The following RPRD1B variants were observed in gnomAD, a reference collection of about 807,000 sequenced individuals.
The protein encoded by RPRD1B is regulation of nuclear pre-mRNA domain containing 1B.
A neutral mutation model predicts 41.5 loss-of-function variants in RPRD1B; 11 were observed. The ratio of observed to expected loss-of-function variants is 0.27; its 90% confidence interval spans 0.17 to 0.44. The LOEUF (loss-of-function observed/expected upper bound fraction) is 0.44. Among genes scored for constraint, RPRD1B ranks in the 20% least tolerant of loss-of-function variants. The probability of loss-of-function intolerance (pLI) is 1.00; values close to 1 mark genes in which losing one functional copy is unlikely to be tolerated. For missense variants in RPRD1B, 248 were observed against 389.9 expected, an observed-to-expected ratio of 0.64 and a Z score of 3.06; for synonymous variants, 158 against 155.6, an observed-to-expected ratio of 1.02 and a Z score of -0.12.
chr20:38,066,958 T>C (rs1600421876), intron 6 of RPRD1B, among the ~76,000 whole-genome samples: 1 of 152,196 alleles, frequency 6.6e-6, no homozygotes, highest in Non-Finnish European at 1.5e-5. Flanking sequence ...CCCAGCCGTT[T>C]GGAGGTTTAT....
chr20:38,070,712 C>A (rs905630028), intron 6 of RPRD1B: 121 of 983,784 alleles, frequency 1.2e-4, no homozygotes, highest in Non-Finnish European at 1.4e-4. Context: ...AGGTCAGGAA[C>A]CTGCAGTTTT....
chr20:38,042,921 T>C (rs1306427146), intron 2 of RPRD1B, among the ~76,000 whole-genome samples: 4 of 152,236 alleles, frequency 2.6e-5, no homozygotes, highest in Admixed American at 6.5e-5. Context: ...AGATTTGATT[T>C]GAATAGCAGT....
chr20:38,090,914 G>A lies in RPRD1B; in HGVS notation c.*1039G>A. 1.0e-6 allele frequency: 1 copy of A among 985,046 alleles called. No homozygotes were observed. The highest frequency in any genetic ancestry group is 1.2e-6 in the Non-Finnish European group (1 of 829,836). The allele number at this position is 985,046 out of a possible 1,614,324, so 61.0% of individuals were successfully genotyped here. The stretch of plus-strand genomic sequence containing the variant: ...GTCTGTCATGTCACGCCACTGCACA[G>A]GTCCTTGTCCCCACACGACGGGGAG... On this transcript the variant is annotated 3_prime_UTR_variant, in exon 7 of 7. Coordinates refer to ENST00000373433, the MANE Select transcript of RPRD1B (RefSeq NM_021215.4).
chr20:38,054,111 A>G (rs1391924968), intron 3 of RPRD1B, among the ~76,000 whole-genome samples: 1 of 152,194 alleles, frequency 6.6e-6, no homozygotes, highest in Non-Finnish European at 1.5e-5. Flanking sequence ...GGGAGGGAGT[A>G]TGTAAGGCAT....
intron 6 of RPRD1B, among the ~76,000 whole-genome samples, chr20:38,088,555 TGA>T (rs1450409579): frequency 1.3e-5 from 2 of 152,288 alleles, no homozygotes; most frequent in East Asian, 3.9e-4. Flanking sequence ...GCAGAGACAC[TGA>T]GAGGACAAAA....
At chr20:38,072,922 A>G (rs1470540256) in intron 6 of RPRD1B, among the ~76,000 whole-genome samples, 1 of 152,224 alleles carries the variant, frequency 6.6e-6, no homozygotes, top group East Asian at 1.9e-4. Flanking sequence ...CTGGATATCT[A>G]AGTAAAGTGA....
At chr20:38,056,975 AAAT>A (rs1385564645) in intron 3 of RPRD1B, among the ~76,000 whole-genome samples, 1 of 152,240 alleles carries the variant, frequency 6.6e-6, no homozygotes, top group Non-Finnish European at 1.5e-5. Flanking sequence ...GTTAAATTTA[AAAT>A]GGTAACTTAA....
At chr20:38,056,790 T>C (rs2074246613) in intron 3 of RPRD1B, among the ~76,000 whole-genome samples, 1 of 152,262 alleles carries the variant, frequency 6.6e-6, no homozygotes, top group Non-Finnish European at 1.5e-5. Context: ...TTCTTTACTT[T>C]CGAAACTAGA....
intron 1 of RPRD1B, among the ~76,000 whole-genome samples, 198 bp downstream of exon 1, chr20:38,034,296 T>G (rs1437565310): frequency 1.3e-5 from 2 of 152,168 alleles, no homozygotes; most frequent in African/African-American, 4.8e-5. Context: ...TGCCTGAGGG[T>G]CCACGGACTG....
chr20:38,050,159 A>C (rs1390485870), intron 3 of RPRD1B, among the ~76,000 whole-genome samples: 3 of 152,246 alleles, frequency 2.0e-5, no homozygotes, highest in Non-Finnish European at 4.4e-5. Context: ...GTGTGACAGT[A>C]TCCTTCACTG....
At chr20:38,063,615 C>T (rs1350477839) in intron 5 of RPRD1B, among the ~76,000 whole-genome samples, 1 of 152,070 alleles carries the variant, frequency 6.6e-6, no homozygotes, top group East Asian at 1.9e-4. Context: ...TACATGGCAG[C>T]AGGTTTGTGT....
At chr20:38,053,856 C>G (rs2074213543) in intron 3 of RPRD1B, among the ~76,000 whole-genome samples, 1 of 152,118 alleles carries the variant, frequency 6.6e-6, no homozygotes, top group South Asian at 2.1e-4. Context: ...AATCTAGACA[C>G]AAAGTATACG....
intron 2 of RPRD1B, among the ~76,000 whole-genome samples, chr20:38,042,004 A>G (rs566890178): frequency 1.4e-5 from 2 of 144,368 alleles, no homozygotes; most frequent in African/African-American, 2.8e-5. Flanking sequence ...GGGCAACATT[A>G]TGGTCTGCCC....
At chr20:38,079,366 T>C (rs1430068306) in intron 6 of RPRD1B, among the ~76,000 whole-genome samples, 1 of 152,150 alleles carries the variant, frequency 6.6e-6, no homozygotes, top group Admixed American at 6.5e-5. Flanking sequence ...ATCCAGGTAA[T>C]TGGCATTGTA....
Position 38,064,195 on chromosome 20 carries a change from G to T in RPRD1B, c.656-1886G>T, listed in dbSNP as rs74383982. 8.0e-4 allele frequency among the ~76,000 whole-genome samples: 122 copies of T among 152,178 alleles called. 3 individuals carry two copies. The East Asian group carries it at 0.02, about 24-fold the overall frequency. Reference sequence around the variant, plus strand: ...ATCTCTTTCCTTTGTGTTCCATTCCGCTCACTTCTTCCCCTTCACCAAGGA... The same window carrying T: ...ATCTCTTTCCTTTGTGTTCCATTCCTCTCACTTCTTCCCCTTCACCAAGGA... On this transcript the variant is annotated intron_variant, in intron 5 of 6. Transcript: ENST00000373433.
In RPRD1B at chr20:38,035,751, C is replaced by G. The variant is rs567578571; in HGVS notation, c.151+1653C>G. ...CTCAAGAGGCAGTTAAAGTCCATCT[C>G]AGGTGTCATTTTTTTTGTTTTTTTT... On this transcript the variant is annotated intron_variant, in intron 1 of 6. Coordinates refer to ENST00000373433, the MANE Select transcript of RPRD1B (RefSeq NM_021215.4). Among the ~76,000 whole-genome samples the G allele has an allele frequency of 2.7e-5, 4 of 149,734 alleles. No individual in the cohort carries two copies. The South Asian group carries it at 8.5e-4, about 32-fold the overall frequency.
rs1415290179 is a variant in RPRD1B, at chr20:38,091,466, C to T, written c.*1591C>T. The T allele has an allele frequency of 5.1e-6, 5 of 985,150 alleles. No individual in the cohort carries two copies. The African/African-American group carries it at 8.7e-5, about 17-fold the overall frequency. 61.0% of individuals were successfully genotyped at this position (985,150 alleles called of 1,614,324 possible). A position where few individuals can be genotyped will look rare whatever the true frequency, so the allele number is the denominator to read the frequency against. ...ACCTAGTAGTGTTTGAGCTGTTATT[C>T]AGATTTGAATTCAGACTGTGTGTTG... On this transcript the variant is annotated 3_prime_UTR_variant, in exon 7 of 7. Transcript: ENST00000373433.
intron 6 of RPRD1B, among the ~76,000 whole-genome samples, chr20:38,087,116 G>A (rs1159851786): frequency 6.6e-6 from 1 of 151,938 alleles, no homozygotes; most frequent in Non-Finnish European, 1.5e-5. Context: ...CCACCACCCT[G>A]CCCAGCTAAC....
At chr20:38,070,257 GC>G (rs1248513532) in intron 6 of RPRD1B, 6 of 985,144 alleles carry the variant, frequency 6.1e-6, no homozygotes, top group Non-Finnish European at 7.2e-6. Flanking sequence ...TATGATGTTG[GC>G]CCTTAAACAC....
Sources: allele counts gnomAD v4.1 joint callset (sites outside exome capture counted in the v4.1 genomes callset), GRCh38; gene constraint gnomAD v4.1.1; transcripts MANE v1.5; gene names NCBI Gene and HGNC (gene_info 2026-07-23, HGNC 2026-07-21).